Variants in NUP210 observed in about 807,000 individuals in gnomAD.
The protein encoded by NUP210 is nuclear pore membrane glycoprotein 210.
Under a neutral mutation model 196.0 loss-of-function variants are expected in NUP210, and 151 were observed. The ratio of observed to expected loss-of-function variants is 0.77; its 90% CI spans 0.67 to 0.88. The LOEUF is 0.88. Among genes scored for constraint, NUP210 ranks in the 40% least tolerant of loss-of-function variants. NUP210 has a pLI of 0.00. For missense variants in NUP210, 2,314 were observed against 2,493.7 expected (o/e 0.93, Z 1.53); for synonymous variants, 1,070 against 1,052.7 (o/e 1.02, Z -0.32).
At chr3:13,406,573 C>T (rs1394707788) in intron 1 of NUP210, among the ~76,000 whole-genome samples, 1 of 152,190 alleles carries the variant, frequency 6.6e-6, no homozygotes, top group African/African-American at 2.4e-5. Context: ...GAGATGCCAA[C>T]ACTTTCATCT....
intron 1 of NUP210, among the ~76,000 whole-genome samples, chr3:13,411,928 A>G (rs1700186125): frequency 6.6e-6 from 1 of 151,918 alleles, no homozygotes; most frequent in South Asian, 2.1e-4. Flanking sequence ...TTTTTAGTAG[A>G]GATGGGGTTT....
chr3:13,397,856 G>C (rs916077525), intron 2 of NUP210, among the ~76,000 whole-genome samples: 2 of 152,250 alleles, frequency 1.3e-5, no homozygotes, highest in African/African-American at 2.4e-5. Flanking sequence ...CCTTCACTGA[G>C]ATTAGGGATT....
At chr3:13,369,336 T>A (rs764128082) in intron 13 of NUP210, among the ~76,000 whole-genome samples, 2 of 152,246 alleles carry the variant, frequency 1.3e-5, no homozygotes, top group Non-Finnish European at 2.9e-5. Context: ...TAACCCCTTA[T>A]ACAATTTGCA....
intron 1 of NUP210, among the ~76,000 whole-genome samples, chr3:13,411,035 A>G (rs1165545641): frequency 6.6e-6 from 1 of 152,036 alleles, no homozygotes; most frequent in Non-Finnish European, 1.5e-5. Flanking sequence ...TAACCTGTGC[A>G]ATAGTGAGTC....
intron 18 of NUP210, 107 bp downstream of exon 18, chr3:13,353,447 A>C: frequency 2.2e-6 from 2 of 925,024 alleles, no homozygotes; most frequent in Non-Finnish European, 3.5e-6. Flanking sequence ...AGTGGTGGTC[A>C]AGCAGACAGT....
In NUP210 at chr3:13,348,300, C is replaced by G. The variant is rs1160846871; in HGVS notation, c.2835+3579G>C. ...CCTCCAGAGACAGGGAGCTCACTACCTACAGCGGCAGCCTAGTCCATCACC... is the reference window on the plus strand; with the variant it reads ...CCTCCAGAGACAGGGAGCTCACTACGTACAGCGGCAGCCTAGTCCATCACC... On this transcript the variant is annotated intron_variant, in intron 20 of 39. Coordinates refer to ENST00000254508, the MANE Select transcript of NUP210 (RefSeq NM_024923.4). The surrounding 1 kb of genome is among the most constrained non-coding windows in gnomAD (Gnocchi z 4.0). 4 of 830,158 alleles carry G rather than the reference C, an allele frequency of 4.8e-6. No homozygotes were observed. The highest frequency in any genetic ancestry group is 5.8e-6 in the Non-Finnish European group (4 of 688,362). The allele number at this position is 830,158 out of a possible 1,614,324, so 51.4% of individuals were successfully genotyped here. A position where few individuals can be genotyped will look rare whatever the true frequency, so the allele number is the denominator to read the frequency against.
At position 13,340,379 on chromosome 3, in the gene NUP210, A is replaced by G. The variant is rs2124859570; in HGVS notation, c.3229-81T>C. 4.7e-6 allele frequency: 6 copies of G among 1,272,854 alleles called. No homozygotes were observed. In the South Asian group the frequency reaches 7.3e-5, roughly 16 times the overall value. The allele number at this position is 1,272,854 out of a possible 1,614,324, so 78.8% of individuals were successfully genotyped here. A position where few individuals can be genotyped will look rare whatever the true frequency, so the allele number is the denominator to read the frequency against. The stretch of plus-strand genomic sequence containing the variant: ...GCATAACTCACACACTACATGTTTC[A>G]TGAGAGGAAAACCTGGGACATGGAC... On this transcript the variant is annotated intron_variant, in intron 23 of 39. Transcript: ENST00000254508. The surrounding 1 kb of genome is among the most constrained non-coding windows in gnomAD (Gnocchi z 4.0).
chr3:13,327,926 GCACCTGCCACA>G (rs2124838669), intron 31 of NUP210, among the ~76,000 whole-genome samples: 1 of 152,338 alleles, frequency 6.6e-6, no homozygotes, highest in African/African-American at 2.4e-5. Context: ...CAGTGGGGAG[GCACCTGCCACA>G]GGGCAGGTGC....
chr3:13,337,144 CAT>C lies in NUP210; in HGVS notation c.3553-228_3553-227del, dbSNP rs1697249243. ...TCCCCTGCAGCGGGCTGCACCTCTC[CAT>C]GGCCAAGATACTCATTTCCGGAAGG... On this transcript the variant is annotated intron_variant, in intron 26 of 39. Transcript: ENST00000254508. 7 of 437,072 alleles carry C rather than the reference CAT, an allele frequency of 1.6e-5. No individual in the cohort carries two copies. The East Asian group carries it at 3.4e-4, about 21-fold the overall frequency. The allele number at this position is 437,072 out of a possible 1,614,324, so 27.1% of individuals were successfully genotyped here. A position where few individuals can be genotyped will look rare whatever the true frequency, so the allele number is the denominator to read the frequency against.
intron 14 of NUP210, among the ~76,000 whole-genome samples, chr3:13,361,749 C>G (rs1474130517): frequency 6.6e-6 from 1 of 152,192 alleles, no homozygotes; most frequent in Non-Finnish European, 1.5e-5. Context: ...GTCCCTTGTG[C>G]ATTAAACTAT....
intron 15 of NUP210, 130 bp downstream of exon 15, chr3:13,360,140 C>A: frequency 1.3e-6 from 1 of 785,360 alleles, no homozygotes; most frequent in Non-Finnish European, 2.0e-6. Flanking sequence ...GTTTGCCTGT[C>A]TGTAAAATGG....
chr3:13,363,396 G>T (rs990808557), intron 14 of NUP210, among the ~76,000 whole-genome samples: 1 of 152,190 alleles, frequency 6.6e-6, no homozygotes, highest in Admixed American at 6.5e-5. Flanking sequence ...ACATTTTCAT[G>T]ACCAGCCCAA....
rs756655271 is a variant in NUP210 at position 13,343,244 on chromosome 3, G to A, written c.2895C>T (p.Phe965=). 1.9e-6 allele frequency: 3 copies of A among 1,582,114 alleles called. No individual in the cohort carries two copies. Among genetic ancestry groups the A allele is most frequent in the East Asian group, 2.3e-5 (1 of 42,606 alleles). ...AAACGACAGCCTTGGCTGGGGCCGGGAAGACGAGGCACAAGTCATGGATCA... is the reference window on the plus strand; with the variant it reads ...AAACGACAGCCTTGGCTGGGGCCGGAAAGACGAGGCACAAGTCATGGATCA... ...TIMIHDLCLV[F]PAPAKAVVYV... Residue 965 remains phenylalanine, a synonymous_variant, in exon 21 of 40, where the codon TTC becomes TTT. Coordinates refer to ENST00000254508, the MANE Select transcript of NUP210 (RefSeq NM_024923.4).
intron 5 of NUP210, among the ~76,000 whole-genome samples, chr3:13,387,471 C>A (rs988442174): frequency 6.6e-6 from 1 of 152,222 alleles, no homozygotes; most frequent in Admixed American, 6.5e-5. Context: ...CAGAGTCCTA[C>A]GGGATTAGCC....
intron 13 of NUP210, among the ~76,000 whole-genome samples, chr3:13,368,473 G>A (rs544341879): frequency 6.6e-6 from 1 of 152,308 alleles, no homozygotes; most frequent in African/African-American, 2.4e-5. Flanking sequence ...GTATAGTTCA[G>A]TGGCATTAAG....
In NUP210 at chr3:13,350,222, G is replaced by C. The variant is rs1559322678; in HGVS notation, c.2835+1657C>G. ...TGTTCAGCAAAATAACACAGCCTGT[G>C]TGTGTGTGTGTTCAGCAAAATAACA... On this transcript the variant is annotated intron_variant, in intron 20 of 39. Coordinates refer to ENST00000254508, the MANE Select transcript of NUP210 (RefSeq NM_024923.4). This position sits in a 1 kb window ranked among gnomAD's most constrained non-coding sequence, Gnocchi z 4.1. Among the ~76,000 whole-genome samples, 1 of 131,308 alleles carries C rather than the reference G, an allele frequency of 7.6e-6. No individual in the cohort carries two copies. The highest frequency in any genetic ancestry group is 1.6e-5 in the Non-Finnish European group (1 of 63,632). The allele number at this position is 131,308 out of a possible 152,430, so 86.1% of individuals were successfully genotyped here. A position where few individuals can be genotyped will look rare whatever the true frequency, so the allele number is the denominator to read the frequency against.
chr3:13,324,995 G>A (rs1220932642), intron 33 of NUP210, among the ~76,000 whole-genome samples: 1 of 152,194 alleles, frequency 6.6e-6, no homozygotes, highest in Non-Finnish European at 1.5e-5. Flanking sequence ...GCCTCGCAGT[G>A]GCCAAGCTGG....
At chr3:13,396,113 C>T (rs1699643364) in intron 3 of NUP210, among the ~76,000 whole-genome samples, 1 of 152,094 alleles carries the variant, frequency 6.6e-6, no homozygotes. Context: ...TGGTTTGGCC[C>T]CCCAGGGACA....
chr3:13,333,231 C>T (rs1455503928), intron 28 of NUP210, among the ~76,000 whole-genome samples: 2 of 152,214 alleles, frequency 1.3e-5, no homozygotes, highest in African/African-American at 4.8e-5. Flanking sequence ...CTGGGAACTC[C>T]AGGCCCCTTC....
Sources: allele counts gnomAD v4.1 joint callset (sites outside exome capture counted in the v4.1 genomes callset), GRCh38; gene constraint gnomAD v4.1.1; non-coding constraint Gnocchi (gnomAD v3.1); transcripts MANE v1.5; gene names NCBI Gene and HGNC (gene_info 2026-07-23, HGNC 2026-07-21).